The following SLC16A5 variants were observed in gnomAD, a reference collection of about 807,000 sequenced individuals.
The protein encoded by SLC16A5 is monocarboxylate transporter 6.
A neutral mutation model predicts 33.2 loss-of-function variants in SLC16A5; 29 were observed. The observed-to-expected ratio is 0.87, with a 90% CI of 0.65 to 1.19. The LOEUF is 1.19. Ranked by LOEUF, SLC16A5 falls within the 50% of genes most tolerant of loss-of-function variation. The pLI is 0.00. For synonymous variants in SLC16A5, 248 were observed against 284.1 expected, an observed-to-expected ratio of 0.87 and a Z score of 1.28; for missense variants, 606 against 678.2, an observed-to-expected ratio of 0.89 and a Z score of 1.18.
chr17:75,093,031 T>C (rs771733397), intron 2 of SLC16A5, among the ~76,000 whole-genome samples: 13 of 152,070 alleles, frequency 8.5e-5, no homozygotes, highest in Non-Finnish European at 1.9e-4. Context: ...AACTCCTTTG[T>C]GTATGCTCTG....
At chr17:75,108,845 C>T (rs569967345), downstream of SLC16A5, among the ~76,000 whole-genome samples, 1 of 152,288 alleles carries the variant, frequency 6.6e-6, no homozygotes, top group East Asian at 1.9e-4. Context: ...GGTTGTGACG[C>T]CCTTTGTGCA....
downstream of SLC16A5, among the ~76,000 whole-genome samples, chr17:75,109,631 G>A (rs1483325949): frequency 1.3e-5 from 2 of 152,260 alleles, no homozygotes; most frequent in African/African-American, 2.4e-5. This position sits in a 1 kb window ranked among gnomAD's most constrained non-coding sequence, Gnocchi z 5.0. Flanking sequence ...GGACCCCGGG[G>A]GACCGGCGGG....
intron 5 of SLC16A5, among the ~76,000 whole-genome samples, chr17:75,103,333 C>CT (rs1194395211): frequency 0.24 from 30,915 of 128,626 alleles, 3,774 homozygotes; most frequent in Non-Finnish European, 0.31. Context: ...CAAGGGAATT[C>CT]TTTTTTTTTT....
chr17:75,106,346 AG>A (rs1363122135), downstream of SLC16A5, among the ~76,000 whole-genome samples: 4 of 151,982 alleles, frequency 2.6e-5, no homozygotes, highest in African/African-American at 7.3e-5. Context: ...GCTCCATCTC[AG>A]TTGAATGGAA....
At chr17:75,109,167 C>A (rs532438031), downstream of SLC16A5, among the ~76,000 whole-genome samples, 3 of 152,122 alleles carry the variant, frequency 2.0e-5, no homozygotes, top group Admixed American at 1.3e-4. The surrounding 1 kb of genome is among the most constrained non-coding windows in gnomAD (Gnocchi z 5.0). Context: ...AGGAATCGGC[C>A]GAAGGGCTTC....
chr17:75,100,657 G>C lies in SLC16A5; in HGVS notation c.994G>C (p.Val332Leu). Residue 332 changes from valine (V) to leucine (L), a missense_variant, in exon 5 of 7, where the codon GTG (valine) becomes CTG (leucine). Coordinates refer to ENST00000329783, the MANE Select transcript of SLC16A5 (RefSeq NM_004695.4). ...GGCATCAGGTGACTTCTGGGTGCTC[G>C]TGGGCTACTGCCTGGCGTACAGCGT... is the stretch of plus-strand genomic sequence containing the variant. ...CAASGDFWVL[V>L]GYCLAYSVSM... 6.2e-7 allele frequency: 1 copy of C among 1,614,198 alleles called. No individual in the cohort carries two copies. The highest frequency in any genetic ancestry group is 8.5e-7 in the Non-Finnish European group (1 of 1,180,038).
chr17:75,093,548 C>G (rs533167898), intron 2 of SLC16A5, 41 bp from the exon 3 acceptor site: 1 of 1,544,188 alleles, frequency 6.5e-7, no homozygotes, highest in East Asian at 2.4e-5. Flanking sequence ...GAGAGACGGA[C>G]AGCCTGCTGA....
Position 75,100,233 on chromosome 17 carries a change from G to T in SLC16A5, c.570G>T (p.Arg190Ser), listed in dbSNP as rs370199375. ...GCTGCATCTGCGGGGCCATCATAAG[G>T]CCTGTGGCCACCAGTGTGGCCCCTG... ...LHCCICGAII[R>S]PVATSVAPET... Residue 190 changes from arginine to serine, a missense_variant, in exon 5 of 7, where the codon AGG (arginine) becomes AGT (serine). By Grantham distance (110) the Arg-to-Ser change is moderately radical. Transcript: ENST00000329783. The T allele has an allele frequency of 2.7e-5, 43 of 1,614,222 alleles. No homozygotes were observed. In the South Asian group the frequency reaches 4.7e-4, roughly 18 times the overall value.
At chr17:75,103,043 A>G (rs1249320276) in intron 5 of SLC16A5, among the ~76,000 whole-genome samples, 1 of 151,956 alleles carries the variant, frequency 6.6e-6, no homozygotes, top group Non-Finnish European at 1.5e-5. Context: ...GGTGCGTGCC[A>G]CCACACTCGG....
At chr17:75,105,243 C>T in intron 6 of SLC16A5, 1 of 985,454 alleles carries the variant, frequency 1.0e-6, no homozygotes, top group Non-Finnish European at 1.2e-6. Context: ...CCCCTGCAGT[C>T]TCAGCAGGAC....
At position 75,100,702 on chromosome 17, in the gene SLC16A5, G is replaced by A. The variant is rs771413277; in HGVS notation, c.1039G>A (p.Ala347Thr). Residue 347 changes from alanine (A) to threonine (T), a missense_variant, in exon 5 of 7, where the codon GCC becomes ACC. Transcript: ENST00000329783. The part of the protein sequence containing the change: ...AYSVSMSGIG[A>T]LIFQVLMDIV... ...CAGCGTGTCCATGAGTGGCATCGGCGCCCTCATCTTCCAGGTTCTCATGGA... is the reference window on the plus strand; with the variant it reads ...CAGCGTGTCCATGAGTGGCATCGGCACCCTCATCTTCCAGGTTCTCATGGA... 11 of 1,614,054 alleles carry A rather than the reference G, an allele frequency of 6.8e-6. No individual in the cohort carries two copies. Among genetic ancestry groups the A allele is most frequent in the Middle Eastern group, 1.6e-4 (1 of 6,084 alleles).
At chr17:75,092,860 TTTA>T (rs1389475853) in intron 2 of SLC16A5, among the ~76,000 whole-genome samples, 4 of 148,498 alleles carry the variant, frequency 2.7e-5, no homozygotes, top group South Asian at 2.1e-4. Flanking sequence ...TGTGTGTGTG[TTTA>T]TTATTCAGTG....
chr17:75,092,231 T>A (rs1300337703), intron 2 of SLC16A5, among the ~76,000 whole-genome samples: 1 of 151,972 alleles, frequency 6.6e-6, no homozygotes, highest in Non-Finnish European at 1.5e-5. Flanking sequence ...TGTGTGTGAG[T>A]TCGTATGTTT....
In SLC16A5 at chr17:75,095,497, T is replaced by C. The variant is rs536995148; in HGVS notation, c.199+1662T>C. On this transcript the variant is annotated intron_variant, in intron 3 of 6. Coordinates refer to ENST00000329783, the MANE Select transcript of SLC16A5 (RefSeq NM_004695.4). Reference sequence around the variant, plus strand: ...GTAGACATTTTATTTTATGTTTATTTATTTATTTGCTTATTTTTGAGACAG... The same window carrying C: ...GTAGACATTTTATTTTATGTTTATTCATTTATTTGCTTATTTTTGAGACAG... 3.3e-4 allele frequency among the ~76,000 whole-genome samples: 50 copies of C among 152,260 alleles called. No individual in the cohort carries two copies. The South Asian group carries it at 0.01, about 32-fold the overall frequency.
At position 75,104,272 on chromosome 17, in the gene SLC16A5, C is replaced by T. The variant is rs949201550; in HGVS notation, c.1364+92C>T. 4 of 1,538,308 alleles carry T rather than the reference C, an allele frequency of 2.6e-6. No individual in the cohort carries two copies. The African/African-American group carries it at 4.1e-5, about 16-fold the overall frequency. On this transcript the variant is annotated intron_variant, in intron 6 of 6. Coordinates refer to ENST00000329783, the MANE Select transcript of SLC16A5 (RefSeq NM_004695.4). ...GAGTGAACACTGTCTCAGCCCAGCC[C>T]AGGAGGGGGACCTCTAGCTCCTTCA... is the stretch of plus-strand genomic sequence containing the variant.
chr17:75,107,820 C>T (rs905315726), downstream of SLC16A5, among the ~76,000 whole-genome samples: 1 of 152,104 alleles, frequency 6.6e-6, no homozygotes, highest in Admixed American at 6.5e-5. Context: ...GCCTGTAGTC[C>T]CAGCTATTCA....
At position 75,100,344 on chromosome 17, in the gene SLC16A5, G is replaced by A. The variant is rs759631117; in HGVS notation, c.681G>A (p.Leu227=). The A allele has an allele frequency of 4.3e-6, 7 of 1,614,210 alleles. No homozygotes were observed. The South Asian group carries it at 6.6e-5, about 15-fold the overall frequency. Reference sequence around the variant, plus strand: ...GCGGCCGGACCATCCAGCGCCACCTGGCCTTCGACATCCTGCGGCACAACA... The same window carrying A: ...GCGGCCGGACCATCCAGCGCCACCTAGCCTTCGACATCCTGCGGCACAACA... ...AACGRTIQRH[L]AFDILRHNTG... The change falls in exon 5 of 7, where the codon CTG becomes CTA. Residue 227 remains leucine (L), a synonymous_variant. Coordinates refer to ENST00000329783, the MANE Select transcript of SLC16A5 (RefSeq NM_004695.4).
downstream of SLC16A5, among the ~76,000 whole-genome samples, chr17:75,109,411 T>C (rs1296327336): frequency 6.6e-6 from 1 of 152,200 alleles, no homozygotes; most frequent in Non-Finnish European, 1.5e-5. The surrounding 1 kb of genome is among the most constrained non-coding windows in gnomAD (Gnocchi z 5.0). Context: ...CGTAAGGAGC[T>C]GACGCCCGCG....
chr17:75,099,495 C>T (rs1171014979), intron 4 of SLC16A5, among the ~76,000 whole-genome samples: 2 of 152,008 alleles, frequency 1.3e-5, no homozygotes, highest in Admixed American at 6.6e-5. Flanking sequence ...CAGCTCACTG[C>T]AACCTCCACA....
Sources: allele counts gnomAD v4.1 joint callset (sites outside exome capture counted in the v4.1 genomes callset), GRCh38; gene constraint gnomAD v4.1.1; non-coding constraint Gnocchi (gnomAD v3.1); transcripts MANE v1.5; gene names NCBI Gene and HGNC (gene_info 2026-07-23, HGNC 2026-07-21).